CNTN4: variants seen among roughly 807,000 people sequenced by gnomAD.
CNTN4 encodes the protein contactin 4.
Under a neutral mutation model 122.5 loss-of-function variants are expected in CNTN4, and 77 were observed. The observed-to-expected ratio is 0.63, with a 90% CI of 0.52 to 0.76. The LOEUF (loss-of-function observed/expected upper bound fraction) is 0.76. Ranked by LOEUF, CNTN4 falls within the 30% of genes least tolerant of loss-of-function variation. The pLI is 0.00. For missense variants in CNTN4, 1,256 were observed against 1,259.1 expected, an observed-to-expected ratio of 1.00 and a Z score of 0.04; for synonymous variants, 512 against 447.0, an observed-to-expected ratio of 1.15 and a Z score of -1.83.
At chr3:2,523,967 C>G (rs2077310895) in intron 3 of CNTN4, among the ~76,000 whole-genome samples, 1 of 152,042 alleles carries the variant, frequency 6.6e-6, no homozygotes, top group Non-Finnish European at 1.5e-5. Flanking sequence ...AAATCTTTTT[C>G]TGAACAGCTT....
chr3:2,227,567 C>T (rs11714668), intron 2 of CNTN4, among the ~76,000 whole-genome samples: 27,585 of 152,108 alleles, frequency 0.18, 3,283 homozygotes, highest in South Asian at 0.37. Context: ...TTCATCTTCT[C>T]TCTCTCTGCA....
At chr3:2,676,233 G>T (rs542668626) in intron 4 of CNTN4, among the ~76,000 whole-genome samples, 36 of 150,026 alleles carry the variant, frequency 2.4e-4, no homozygotes, top group African/African-American at 7.6e-4. Context: ...TTTTTTTTGT[G>T]GTGGGGGGCA....
In CNTN4 at chr3:2,630,576, A is replaced by G. The variant is rs186073878; in HGVS notation, c.55+59018A>G. On this transcript the variant is annotated intron_variant, in intron 4 of 24. Transcript: ENST00000418658. ...CAAGCCCAATACATTCCCATTTCTT[A>G]TTAGTACACGAATCATAAATAATAC... Among the ~76,000 whole-genome samples, 468 of 152,258 alleles carry G rather than the reference A, an allele frequency of 3.1e-3. 5 individuals carry two copies. The highest frequency in any genetic ancestry group is 6.8e-3 in the Middle Eastern group (2 of 294).
intron 2 of CNTN4, among the ~76,000 whole-genome samples, chr3:2,333,658 A>G (rs1575398788): frequency 6.6e-6 from 1 of 152,234 alleles, no homozygotes; most frequent in African/African-American, 2.4e-5. Context: ...TCGTTGTGAA[A>G]TGATAAAAGA....
intron 4 of CNTN4, among the ~76,000 whole-genome samples, chr3:2,689,778 T>C (rs1222245428): frequency 6.6e-6 from 1 of 152,134 alleles, no homozygotes; most frequent in Non-Finnish European, 1.5e-5. Context: ...CTCTCTCCTA[T>C]ACACCACAAT....
chr3:2,919,049 A>T (rs1371262410), intron 12 of CNTN4, among the ~76,000 whole-genome samples: 2 of 152,164 alleles, frequency 1.3e-5, no homozygotes, highest in African/African-American at 4.8e-5. Flanking sequence ...CAAAAGAAAG[A>T]TTGTTGCTTT....
intron 4 of CNTN4, among the ~76,000 whole-genome samples, chr3:2,683,179 T>A (rs1043268522): frequency 5.9e-5 from 9 of 152,036 alleles, no homozygotes; most frequent in African/African-American, 1.7e-4. Context: ...TTTGCAGACT[T>A]GGGTATAGTT....
Position 2,860,344 on chromosome 3 carries a change from C to T in CNTN4, c.455-6408C>T, listed in dbSNP as rs867551671. On this transcript the variant is annotated intron_variant, in intron 7 of 24. Coordinates refer to ENST00000418658, the MANE Select transcript of CNTN4 (RefSeq NM_175607.3). ...ATGTTAGCCATGGGTGTAGGAGTGG[C>T]GACTGGTGGTCCAAGTGACAGATAT... is the stretch of plus-strand genomic sequence containing the variant. Among the ~76,000 whole-genome samples the T allele has an allele frequency of 5.3e-5, 8 of 152,192 alleles. No individual in the cohort carries two copies. The South Asian group carries it at 8.3e-4, about 16-fold the overall frequency.
At chr3:2,442,815 T>C (rs997024294) in intron 3 of CNTN4, among the ~76,000 whole-genome samples, 1 of 152,184 alleles carries the variant, frequency 6.6e-6, no homozygotes, top group African/African-American at 2.4e-5. Flanking sequence ...CAAACATTTT[T>C]GAAATGGTTA....
intron 2 of CNTN4, among the ~76,000 whole-genome samples, chr3:2,172,563 A>G (rs912201154): frequency 1.3e-5 from 2 of 152,200 alleles, no homozygotes; most frequent in Non-Finnish European, 2.9e-5. Flanking sequence ...AAAAAACAAA[A>G]AAAAGAAAAC....
At chr3:3,037,530 C>T (rs1485444672) in intron 18 of CNTN4, 2 of 660,510 alleles carry the variant, frequency 3.0e-6, no homozygotes, top group Non-Finnish European at 5.3e-6. Flanking sequence ...TTGTTTTCTT[C>T]ATTAGGTCCA....
intron 7 of CNTN4, among the ~76,000 whole-genome samples, chr3:2,853,199 G>C (rs1459503891): frequency 6.6e-6 from 1 of 151,358 alleles, no homozygotes; most frequent in Admixed American, 6.6e-5. Flanking sequence ...AAAAAGAACA[G>C]TGTCCACTAG....
At chr3:2,469,929 G>A (rs957179975) in intron 3 of CNTN4, among the ~76,000 whole-genome samples, 1 of 152,194 alleles carries the variant, frequency 6.6e-6, no homozygotes, top group African/African-American at 2.4e-5. Context: ...GTGTTTATAT[G>A]TGAGATAAAA....
intron 2 of CNTN4, among the ~76,000 whole-genome samples, chr3:2,272,381 A>G (rs2041333091): frequency 6.6e-6 from 1 of 152,116 alleles, no homozygotes; most frequent in African/African-American, 2.4e-5. Flanking sequence ...TATAATATCT[A>G]CCTGTTTTCA....
At chr3:2,466,970 C>CTTTCT (rs1392656721) in intron 3 of CNTN4, among the ~76,000 whole-genome samples, 82 of 115,790 alleles carry the variant, frequency 7.1e-4, no homozygotes, top group African/African-American at 9.4e-4. Flanking sequence ...TTCTTTCTTT[C>CTTTCT]TTTTTTTTTT....
chr3:2,969,020 A>G (rs1051182869), intron 13 of CNTN4, among the ~76,000 whole-genome samples: 1 of 151,830 alleles, frequency 6.6e-6, no homozygotes, highest in African/African-American at 2.4e-5. Flanking sequence ...TAAGTGTACA[A>G]CGCAATGATT....
chr3:2,295,244 A>C (rs1455137969), intron 2 of CNTN4, among the ~76,000 whole-genome samples: 1 of 141,168 alleles, frequency 7.1e-6, no homozygotes, highest in Non-Finnish European at 1.5e-5. Flanking sequence ...ATCCCTGAGG[A>C]ATCGCCACAC....
intron 3 of CNTN4, among the ~76,000 whole-genome samples, chr3:2,463,076 GT>G (rs2049288766): frequency 6.6e-6 from 1 of 152,048 alleles, no homozygotes; most frequent in African/African-American, 2.4e-5. Flanking sequence ...GTTGGACGCG[GT>G]GTCTTTTTAC....
At chr3:2,304,928 G>GTTAT (rs779227984) in intron 2 of CNTN4, among the ~76,000 whole-genome samples, 29 of 151,616 alleles carry the variant, frequency 1.9e-4, no homozygotes, top group African/African-American at 5.8e-4. Context: ...AAATTATGCA[G>GTTAT]TTATTTATTT....
Sources: allele counts gnomAD v4.1 joint callset (sites outside exome capture counted in the v4.1 genomes callset), GRCh38; gene constraint gnomAD v4.1.1; transcripts MANE v1.5; gene names NCBI Gene and HGNC (gene_info 2026-07-23, HGNC 2026-07-21).